The following NAV2 variants were observed in gnomAD, a reference collection of about 807,000 sequenced individuals.
The protein encoded by NAV2 is neuron navigator 2.
A neutral mutation model predicts 223.2 loss-of-function variants in NAV2; 54 were observed. The ratio of observed to expected loss-of-function variants is 0.24; its 90% CI spans 0.19 to 0.30. The LOEUF (loss-of-function observed/expected upper bound fraction) is 0.30, where lower values mean the gene tolerates loss of function less well. NAV2 is among the 10% of genes least tolerant of loss of function. The pLI is 1.00. For synonymous variants in NAV2, 1,279 were observed against 1,239.3 expected, an observed-to-expected ratio of 1.03 and a Z score of -0.67; for missense variants, 2,806 against 3,147.5, an observed-to-expected ratio of 0.89 and a Z score of 2.60.
intron 1 of NAV2, among the ~76,000 whole-genome samples, chr11:19,404,993 C>T (rs896550039): frequency 6.6e-6 from 1 of 152,152 alleles, no homozygotes; most frequent in Non-Finnish European, 1.5e-5. Context: ...TTATACGAGG[C>T]AGTGTACAAG....
chr11:19,920,522 C>T (rs939611539), intron 6 of NAV2, among the ~76,000 whole-genome samples: 6 of 152,126 alleles, frequency 3.9e-5, no homozygotes, highest in Non-Finnish European at 1.5e-5. Flanking sequence ...CTCCTGACCT[C>T]GTGACCTACC....
At chr11:19,578,130 T>A (rs972683270) in intron 1 of NAV2, among the ~76,000 whole-genome samples, 9 of 152,216 alleles carry the variant, frequency 5.9e-5, no homozygotes, top group African/African-American at 2.2e-4. Context: ...CAGCATTTCC[T>A]TTTGTGGCTG....
chr11:20,042,476 A>G (rs911743154), intron 12 of NAV2, among the ~76,000 whole-genome samples: 27 of 152,034 alleles, frequency 1.8e-4, no homozygotes, highest in Non-Finnish European at 4.0e-4. Flanking sequence ...TGTCCTCCTC[A>G]TATCTCTAGT....
intron 10 of NAV2, among the ~76,000 whole-genome samples, chr11:19,967,710 A>T (rs776910919): frequency 3.9e-5 from 6 of 152,000 alleles, no homozygotes; most frequent in Non-Finnish European, 7.4e-5. Flanking sequence ...AATCTGGAAA[A>T]CTCTGTATCC....
chr11:19,999,856 G>A (rs910969910), intron 11 of NAV2, among the ~76,000 whole-genome samples: 4 of 152,190 alleles, frequency 2.6e-5, no homozygotes, highest in African/African-American at 7.2e-5. Flanking sequence ...TTGATCAATG[G>A]CAGCAATTTT....
At chr11:19,810,710 T>A (rs902339221) in intron 1 of NAV2, among the ~76,000 whole-genome samples, 6 of 152,190 alleles carry the variant, frequency 3.9e-5, no homozygotes, top group Admixed American at 1.3e-4. Flanking sequence ...AGTGAGAACA[T>A]CCTGTGAAGC....
At chr11:19,681,794 C>T (rs2048886741) in intron 1 of NAV2, among the ~76,000 whole-genome samples, 1 of 152,150 alleles carries the variant, frequency 6.6e-6, no homozygotes, top group African/African-American at 2.4e-5. Context: ...GCTAGGAAGC[C>T]ACTGTGGGAA....
chr11:19,480,343 A>G (rs2632028), intron 1 of NAV2, among the ~76,000 whole-genome samples: 141,629 of 152,064 alleles, frequency 0.93, 66,783 homozygotes, highest in East Asian at 1. Context: ...AGGAGGAAAC[A>G]GGCTTAGAGA....
chr11:19,380,022 G>T (rs1864211358), intron 1 of NAV2, among the ~76,000 whole-genome samples: 2 of 151,836 alleles, frequency 1.3e-5, no homozygotes, highest in African/African-American at 4.8e-5. Flanking sequence ...GTTGCAAAAG[G>T]GATAAATACG....
intron 11 of NAV2, among the ~76,000 whole-genome samples, chr11:20,029,953 G>A (rs1221619672): frequency 6.6e-6 from 1 of 152,160 alleles, no homozygotes; most frequent in Non-Finnish European, 1.5e-5. Flanking sequence ...ATCAATGGAA[G>A]TATCTTCTAG....
intron 8 of NAV2, among the ~76,000 whole-genome samples, chr11:19,945,206 CTTT>C (rs1565615415): frequency 0.099 from 4,696 of 47,432 alleles, 446 homozygotes; most frequent in African/African-American, 0.24. Context: ...CCTTCCCTTT[CTTT>C]CCTTTCCTTC....
intron 20 of NAV2, among the ~76,000 whole-genome samples, chr11:20,063,462 T>C (rs1007663730): frequency 2.0e-5 from 3 of 152,162 alleles, no homozygotes; most frequent in African/African-American, 7.2e-5. Flanking sequence ...AACCTCTGCC[T>C]CCTGGGTTCA....
intron 11 of NAV2, among the ~76,000 whole-genome samples, chr11:20,020,982 G>A (rs953911856): frequency 2.0e-5 from 3 of 152,058 alleles, no homozygotes; most frequent in African/African-American, 7.2e-5. Context: ...TCTCTTGAAA[G>A]TCCCTTATCC....
chr11:19,790,452 G>A (rs141374653), intron 1 of NAV2, among the ~76,000 whole-genome samples: 18 of 152,234 alleles, frequency 1.2e-4, no homozygotes, highest in Admixed American at 2.0e-4. Flanking sequence ...CAGCACCCAC[G>A]AGTTTTTATT....
intron 1 of NAV2, among the ~76,000 whole-genome samples, chr11:19,361,229 T>TTTTTTTTTTGAGACGGA (rs1170025473): frequency 6.7e-6 from 1 of 149,652 alleles, no homozygotes; most frequent in Non-Finnish European, 1.5e-5. Context: ...CTCTTTTTTA[T>TTTTTTTTTTGAGACGGA]GTCTCTCAGC....
At chr11:19,431,723 G>T (rs552597341) in intron 1 of NAV2, among the ~76,000 whole-genome samples, 13 of 152,314 alleles carry the variant, frequency 8.5e-5, no homozygotes, top group African/African-American at 3.1e-4. Context: ...GAGCAAATTT[G>T]CAGGACTGGG....
Position 19,603,499 on chromosome 11 carries a change from C to T in NAV2, c.76-228985C>T, listed in dbSNP as rs186787000. 1.1e-4 allele frequency among the ~76,000 whole-genome samples: 17 copies of T among 151,958 alleles called. No individual in the cohort carries two copies. The East Asian group carries it at 1.2e-3, about 10-fold the overall frequency. On this transcript the variant is annotated intron_variant, in intron 1 of 37. Coordinates refer to the NAV2 transcript ENST00000360655. ...AAAATTACCCTGGCATGGTGGCATG[C>T]GCCTGTAGTCCCAGCTACTTGGGAG... is the stretch of plus-strand genomic sequence containing the variant.
chr11:19,834,541 A>G (rs2060132322), intron 2 of NAV2, among the ~76,000 whole-genome samples: 1 of 141,400 alleles, frequency 7.1e-6, no homozygotes, highest in Non-Finnish European at 1.5e-5. Flanking sequence ...CTGAGACCTC[A>G]GAAGAAGGGG....
chr11:19,804,549 T>C (rs986918414), intron 1 of NAV2, among the ~76,000 whole-genome samples: 1 of 152,234 alleles, frequency 6.6e-6, no homozygotes. Context: ...GGACATTCCA[T>C]CTCCTGGCTG....
Sources: gnomAD v4.1 joint callset for allele counts (sites outside exome capture counted in the v4.1 genomes callset) on GRCh38, gnomAD v4.1.1 for gene constraint, MANE v1.5 for transcripts, NCBI Gene and HGNC (gene_info 2026-07-23, HGNC 2026-07-21) for gene names.